Variants in ROBO3 observed in about 807,000 individuals in gnomAD.
The protein encoded by ROBO3 is roundabout homolog 3.
In ROBO3, 97 loss-of-function variants were observed where a neutral mutation model predicts 160.5. The observed-to-expected ratio is 0.60, with a 90% CI of 0.51 to 0.72. ROBO3 has a LOEUF of 0.72. ROBO3 is among the 30% of genes least tolerant of loss of function. ROBO3 has a pLI of 0.00. For missense variants in ROBO3, 1,858 were observed against 1,846.5 expected, an observed-to-expected ratio of 1.01 and a Z score of -0.11; for synonymous variants, 780 against 746.2, an observed-to-expected ratio of 1.05 and a Z score of -0.74.
intron 25 of ROBO3, 101 bp from the exon 26 acceptor site, chr11:124,879,686 G>C (rs1043075870): frequency 1.3e-6 from 2 of 1,559,046 alleles, no homozygotes; most frequent in Non-Finnish European, 1.7e-6. Context: ...CCCAATCTTG[G>C]GCTGTTCATT....
Position 124,869,078 on chromosome 11 carries a change from G to A in ROBO3, c.437G>A (p.Arg146His), listed in dbSNP as rs768751790. The change falls in exon 2 of 28, where the codon CGC becomes CAC. Residue 146 changes from arginine (R) to histidine (H), a missense_variant. By Grantham distance (29) the Arg-to-His change is conservative (BLOSUM62 0). Transcript: ENST00000397801. The surrounding 1 kb of genome is among the most constrained non-coding windows in gnomAD (Gnocchi z 4.2). ...PDEGVYTCVA[R>H]NYLGAAASRN... Reference sequence around the variant, plus strand: ...GAAGGTGTCTACACTTGCGTGGCTCGCAACTACCTGGGGGCAGCAGCGAGC... The same window carrying A: ...GAAGGTGTCTACACTTGCGTGGCTCACAACTACCTGGGGGCAGCAGCGAGC... 1.1e-5 allele frequency: 17 copies of A among 1,595,542 alleles called. No individual in the cohort carries two copies. The highest frequency in any genetic ancestry group is 1.4e-5 in the Non-Finnish European group (16 of 1,171,112).
In ROBO3 at chr11:124,869,581, C is replaced by T; in HGVS notation, c.619C>T (p.Leu207Phe). ...GTCCTGGAGGAAGGACGGTGCAAGA[C>T]TCAAGGAAGAGGAAGGAAGGATCAC... The part of the protein sequence containing the change: ...SVSWRKDGAR[L>F]KEEEGRITIR... The change falls in exon 3 of 28, where the codon CTC becomes TTC. Residue 207 changes from leucine (L) to phenylalanine (F), a missense_variant. Transcript: ENST00000397801. The surrounding 1 kb of genome is among the most constrained non-coding windows in gnomAD (Gnocchi z 4.2). The T allele has an allele frequency of 4.4e-6, 7 of 1,575,322 alleles. No homozygotes were observed. Among genetic ancestry groups the T allele is most frequent in the African/African-American group, 1.3e-5 (1 of 74,196 alleles).
chr11:124,866,041 G>A (rs974427515), intron 1 of ROBO3, among the ~76,000 whole-genome samples: 1 of 152,154 alleles, frequency 6.6e-6, no homozygotes, highest in South Asian at 2.1e-4. Context: ...AGGGAAGTCC[G>A]AGCTAAGAAA....
intron 13 of ROBO3, 72 bp from the exon 14 acceptor site, chr11:124,875,039 G>T (rs1946333889): frequency 1.3e-6 from 2 of 1,510,936 alleles, no homozygotes; most frequent in Non-Finnish European, 1.8e-6. Context: ...GGAGGGGCTG[G>T]GCCTGGATGG....
intron 20 of ROBO3, 92 bp downstream of exon 20, chr11:124,877,750 G>C (rs1946429395): frequency 6.6e-7 from 1 of 1,517,852 alleles, no homozygotes; most frequent in Non-Finnish European, 9.0e-7. Context: ...CGGTCTCTCT[G>C]AGGTTGGTCA....
intron 1 of ROBO3, among the ~76,000 whole-genome samples, chr11:124,866,949 C>T (rs1946205122): frequency 6.6e-6 from 1 of 152,204 alleles, no homozygotes; most frequent in South Asian, 2.1e-4. Flanking sequence ...AGTCCCGCTT[C>T]TGCTCACCTA....
In ROBO3 at chr11:124,878,763, C is replaced by T. The variant is rs771789688; in HGVS notation, c.3500C>T (p.Pro1167Leu). The T allele has an allele frequency of 9.3e-6, 15 of 1,613,552 alleles. No homozygotes were observed. In the Admixed American group the frequency reaches 1.8e-4, roughly 20 times the overall value. ...TCACCTCCTGACCCTCCCCAGCCCC[C>T]AACTGACATGCCCCATCTCCATCAG... ...TPSPPDPPQPPTDMPHLHQMP... is the reference protein window; with the variant it reads ...TPSPPDPPQPLTDMPHLHQMP... Residue 1167 changes from proline (P) to leucine (L), a missense_variant, in exon 23 of 28, where the codon CCA (proline) becomes CTA (leucine). Transcript: ENST00000397801. This position sits in a 1 kb window ranked among gnomAD's most constrained non-coding sequence, Gnocchi z 4.3.
At position 124,875,288 on chromosome 11, in the gene ROBO3, G is replaced by A. The variant is rs762178635; in HGVS notation, c.2251G>A (p.Gly751Arg). 6.2e-7 allele frequency: 1 copy of A among 1,613,760 alleles called. No individual in the cohort carries two copies. Among genetic ancestry groups the A allele is most frequent in the Non-Finnish European group, 8.5e-7 (1 of 1,179,866 alleles). ...QIKVQAQGQE[G>R]LGAESLSVTR... The stretch of plus-strand genomic sequence containing the variant: ...CAAGGTGCAAGCCCAAGGCCAGGAG[G>A]GGCTGGGGGCTGAAAGCCTCTCTGT... Residue 751 changes from glycine to arginine, a missense_variant, in exon 14 of 28, where the codon GGG (glycine) becomes AGG (arginine). Gly to Arg is a moderately radical substitution (Grantham distance 125, BLOSUM62 -2). Transcript: ENST00000397801.
In ROBO3 at chr11:124,878,667, C is replaced by A. The variant is rs749074810; in HGVS notation, c.3404C>A (p.Thr1135Asn). 7 of 1,613,566 alleles carry A rather than the reference C, an allele frequency of 4.3e-6. No individual in the cohort carries two copies. The highest frequency in any genetic ancestry group is 5.9e-6 in the Non-Finnish European group (7 of 1,179,716). Residue 1135 changes from threonine to asparagine, a missense_variant, in exon 23 of 28, where the codon ACC becomes AAC. By Grantham distance (65) the Thr-to-Asn change is moderately conservative. Transcript: ENST00000397801. This position sits in a 1 kb window ranked among gnomAD's most constrained non-coding sequence, Gnocchi z 4.3. ...AGCTCCAGTGGAGGGTGCCTGGTCA[C>A]CCCATCCCGAAGGGAAACCCCCTCT... ...EPSSSGGCLV[T>N]PSRRETPSPT...
chr11:124,874,227 C>T lies in ROBO3; in HGVS notation c.1942C>T (p.Arg648Cys), dbSNP rs367653125. 83 of 1,613,452 alleles carry T rather than the reference C, an allele frequency of 5.1e-5. No individual in the cohort carries two copies. The East Asian group carries it at 8.0e-4, about 16-fold the overall frequency. Residue 648 changes from arginine (R) to cysteine (C), a missense_variant, in exon 12 of 28, where the codon CGT becomes TGT. Arg to Cys is a radical substitution (Grantham distance 180). Coordinates refer to ENST00000397801, the MANE Select transcript of ROBO3 (RefSeq NM_022370.4). Reference protein sequence around the residue: ...SEPSPVSEPVRTQDSSPSRPV... With the variant: ...SEPSPVSEPVCTQDSSPSRPV... The stretch of plus-strand genomic sequence containing the variant: ...GCCCAGCCCCGTCTCTGAGCCTGTC[C>T]GTACACAGGGTAAGGTCAGAGTCCC...
Position 124,877,980 on chromosome 11 carries a change from G to A in ROBO3, c.3030G>A (p.Thr1010=), listed in dbSNP as rs1318590034. Residue 1010 remains threonine (T), a synonymous_variant, in exon 21 of 28, where the codon ACG becomes ACA. Transcript: ENST00000397801. ...SLYLAQTARG[T]AAPGEGPVYS... ...ATCTAGCTCAGACGGCCAGGGGCAC[G>A]GCCGCCCCTGGCGAGGGTCCTGTCT... The A allele has an allele frequency of 3.1e-6, 5 of 1,610,454 alleles. No individual in the cohort carries two copies. The highest frequency in any genetic ancestry group is 2.2e-5 in the South Asian group (2 of 90,508).
intron 1 of ROBO3, 130 bp from the exon 2 acceptor site, chr11:124,868,670 GGC>G: frequency 1.1e-6 from 1 of 898,666 alleles, no homozygotes; most frequent in East Asian, 2.6e-5. Context: ...GGAGAGGGTA[GGC>G]AGGTGGGGAC....
chr11:124,875,405 G>A, intron 14 of ROBO3, 69 bp downstream of exon 14: 2 of 1,120,722 alleles, frequency 1.8e-6, no homozygotes, highest in Non-Finnish European at 2.5e-6. Flanking sequence ...GTGGAGGGGG[G>A]ATGAAAATTT....
At position 124,878,549 on chromosome 11, in the gene ROBO3, AG is replaced by A. The variant is rs1946465312; in HGVS notation, c.3321-34del. The A allele has an allele frequency of 4.4e-6, 7 of 1,605,960 alleles. No individual in the cohort carries two copies. In the East Asian group the frequency reaches 1.6e-4, roughly 36 times the overall value. On this transcript the variant is annotated intron_variant, in intron 22 of 27. Transcript: ENST00000397801. This position sits in a 1 kb window ranked among gnomAD's most constrained non-coding sequence, Gnocchi z 4.3. ...CAACGGGAAGGTATGGAAGCAGCTG[AG>A]CCCTTTCCTTCTCTCCTGCCTCTTT...
rs748515731 is a variant in ROBO3 at position 124,880,457 on chromosome 11, C to T, written c.3998C>T (p.Ser1333Phe). ...WLPYSRPSFL[S>F]RGQGTSTCST... The stretch of plus-strand genomic sequence containing the variant: ...CCATACAGCAGACCAAGCTTCCTGT[C>T]CCGGGGCCAGGGCACCAGCACATGT... The change falls in exon 27 of 28, where the codon TCC becomes TTC. Residue 1333 changes from serine to phenylalanine, a missense_variant. Physicochemically the swap from Ser to Phe is radical, Grantham distance 155. Transcript: ENST00000397801. The T allele has an allele frequency of 3.7e-6, 6 of 1,611,954 alleles. No individual in the cohort carries two copies. Among genetic ancestry groups the T allele is most frequent in the Middle Eastern group, 1.6e-4 (1 of 6,080 alleles).
chr11:124,878,472 G>T lies in ROBO3; in HGVS notation c.3320+36G>T. On this transcript the variant is annotated intron_variant, in intron 22 of 27. Transcript: ENST00000397801. The surrounding 1 kb of genome is among the most constrained non-coding windows in gnomAD (Gnocchi z 4.3). ...TCCCTGCTTCCAGGCCCACACACCT[G>T]CGGCCAGACCATGGGCTGCTGGGGA... 6.2e-7 allele frequency: 1 copy of T among 1,608,122 alleles called. No homozygotes were observed. Among genetic ancestry groups the T allele is most frequent in the Non-Finnish European group, 8.5e-7 (1 of 1,176,248 alleles).
At chr11:124,879,154 G>A in intron 23 of ROBO3, 36 bp from the exon 24 acceptor site, 2 of 1,541,668 alleles carry the variant, frequency 1.3e-6, no homozygotes, top group Non-Finnish European at 1.8e-6. Flanking sequence ...CAGTTTTTGT[G>A]GAGGGAACAG....
At position 124,867,495 on chromosome 11, in the gene ROBO3, G is replaced by A. The variant is rs527794650; in HGVS notation, c.161-1307G>A. On this transcript the variant is annotated intron_variant, in intron 1 of 27. Transcript: ENST00000397801. Reference sequence around the variant, plus strand: ...ACTCCAGTGTTGCTCACCACGGGGTGTTCCAAAATTGGGAATGGGAGGAGA... The same window carrying A: ...ACTCCAGTGTTGCTCACCACGGGGTATTCCAAAATTGGGAATGGGAGGAGA... Among the ~76,000 whole-genome samples the A allele has an allele frequency of 4.1e-3, 628 of 152,312 alleles. 3 individuals carry two copies. The highest frequency in any genetic ancestry group is 0.014 in the African/African-American group (594 of 41,552).
rs189881000 is a variant in ROBO3, at chr11:124,881,317, C to G, written c.*67C>G. 5.9e-5 allele frequency: 87 copies of G among 1,483,636 alleles called. No individual in the cohort carries two copies. The highest frequency in any genetic ancestry group is 7.2e-5 in the South Asian group (6 of 83,198). 91.9% of individuals were successfully genotyped at this position (1,483,636 alleles called of 1,614,324 possible). ...AGGGGAGTAGGGATGTCTTTTCCCC[C>G]CCAGCAGTGATGAGTGGGGCTAGCT... On this transcript the variant is annotated 3_prime_UTR_variant, in exon 28 of 28. Coordinates refer to ENST00000397801, the MANE Select transcript of ROBO3 (RefSeq NM_022370.4).
Sources: gnomAD v4.1 joint callset for allele counts (sites outside exome capture counted in the v4.1 genomes callset) on GRCh38, gnomAD v4.1.1 for gene constraint, Gnocchi (gnomAD v3.1) non-coding constraint, MANE v1.5 for transcripts, NCBI Gene and HGNC (gene_info 2026-07-23, HGNC 2026-07-21) for gene names.